Variants in RCAN2 observed in about 807,000 individuals in gnomAD.
RCAN2 encodes calcipressin-2.
A neutral mutation model predicts 23.6 loss-of-function variants in RCAN2; 9 were observed. The ratio of observed to expected loss-of-function variants is 0.38; its 90% CI spans 0.23 to 0.67. RCAN2 has a LOEUF of 0.67. Among genes scored for constraint, RCAN2 ranks in the 30% least tolerant of loss-of-function variants. RCAN2 has a pLI of 0.51. For missense variants in RCAN2, 273 were observed against 302.3 expected, an observed-to-expected ratio of 0.90 and a Z score of 0.72; for synonymous variants, 109 against 115.7, an observed-to-expected ratio of 0.94 and a Z score of 0.37.
intron 2 of RCAN2, among the ~76,000 whole-genome samples, chr6:46,287,435 CA>C (rs1240571172): frequency 6.6e-6 from 1 of 152,198 alleles, no homozygotes; most frequent in Non-Finnish European, 1.5e-5. Flanking sequence ...AATGTTTACA[CA>C]AACCTTCTCT....
chr6:46,235,908 T>C (rs1265673487), intron 4 of RCAN2, among the ~76,000 whole-genome samples: 1 of 152,206 alleles, frequency 6.6e-6, no homozygotes, highest in Non-Finnish European at 1.5e-5. Context: ...TTATCACATA[T>C]GAGTAATGTG....
chr6:46,316,238 C>T (rs1763433767), intron 2 of RCAN2, among the ~76,000 whole-genome samples: 1 of 152,208 alleles, frequency 6.6e-6, no homozygotes, highest in Non-Finnish European at 1.5e-5. Flanking sequence ...TAATGAATGA[C>T]ATTACTTGCA....
At chr6:46,465,432 G>T (rs904738426) in intron 1 of RCAN2, among the ~76,000 whole-genome samples, 2 of 152,160 alleles carry the variant, frequency 1.3e-5, no homozygotes, top group African/African-American at 4.8e-5. Context: ...TACAGCATGG[G>T]CAGGGTACAG....
chr6:46,344,237 T>A (rs1410598793), intron 2 of RCAN2, among the ~76,000 whole-genome samples: 1 of 152,074 alleles, frequency 6.6e-6, no homozygotes, highest in East Asian at 1.9e-4. Context: ...TTAAACAATG[T>A]CAAGACAAAA....
At chr6:46,487,745 A>G (rs1375266281) in intron 1 of RCAN2, among the ~76,000 whole-genome samples, 1 of 152,210 alleles carries the variant, frequency 6.6e-6, no homozygotes, top group Non-Finnish European at 1.5e-5. Flanking sequence ...CCCCAACCTC[A>G]GGCACTCCCA....
intron 2 of RCAN2, among the ~76,000 whole-genome samples, chr6:46,292,503 G>A (rs1449249448): frequency 7.1e-6 from 1 of 140,104 alleles, no homozygotes; most frequent in Non-Finnish European, 1.5e-5. Context: ...TTCCCTTTTA[G>A]AGCTTAATTA....
chr6:46,317,190 T>C (rs1185166484), intron 2 of RCAN2, among the ~76,000 whole-genome samples: 1 of 152,196 alleles, frequency 6.6e-6, no homozygotes, highest in Non-Finnish European at 1.5e-5. Context: ...AAAACTTTTC[T>C]TTTTCCCAAA....
intron 2 of RCAN2, among the ~76,000 whole-genome samples, chr6:46,314,643 A>G (rs1763375907): frequency 6.6e-6 from 1 of 152,188 alleles, no homozygotes; most frequent in Non-Finnish European, 1.5e-5. Flanking sequence ...GTTAAGCATT[A>G]CTGCGGTGAA....
intron 1 of RCAN2, among the ~76,000 whole-genome samples, chr6:46,477,287 C>T (rs1193712373): frequency 6.6e-6 from 1 of 152,176 alleles, no homozygotes; most frequent in Non-Finnish European, 1.5e-5. Flanking sequence ...AACATAAGAG[C>T]TGATCCATTT....
At chr6:46,231,542 T>G (rs1765888218) in intron 4 of RCAN2, among the ~76,000 whole-genome samples, 1 of 152,028 alleles carries the variant, frequency 6.6e-6, no homozygotes, top group Non-Finnish European at 1.5e-5. Context: ...CCCTAGTAGC[T>G]GGGATTACAG....
chr6:46,349,049 T>C (rs1764571649), intron 2 of RCAN2, among the ~76,000 whole-genome samples: 1 of 152,206 alleles, frequency 6.6e-6, no homozygotes, highest in South Asian at 2.1e-4. Context: ...GAGCCATTTT[T>C]CCAAAACCAT....
chr6:46,318,826 T>C (rs1328552369), intron 2 of RCAN2, among the ~76,000 whole-genome samples: 1 of 152,202 alleles, frequency 6.6e-6, no homozygotes, highest in Non-Finnish European at 1.5e-5. Flanking sequence ...CAGGTATACT[T>C]ACCCAAAAGG....
intron 2 of RCAN2, among the ~76,000 whole-genome samples, chr6:46,301,023 A>T (rs897512501): frequency 6.6e-6 from 1 of 152,034 alleles, no homozygotes; most frequent in Non-Finnish European, 1.5e-5. Flanking sequence ...ACAACAAAAA[A>T]ATCAGCGTGG....
intron 2 of RCAN2, among the ~76,000 whole-genome samples, chr6:46,268,943 T>A (rs1767433445): frequency 6.6e-6 from 1 of 152,254 alleles, no homozygotes; most frequent in South Asian, 2.1e-4. Context: ...TCACGTATTG[T>A]GTTTTTGTTA....
intron 3 of RCAN2, among the ~76,000 whole-genome samples, chr6:46,247,448 C>T (rs956477131): frequency 1.3e-5 from 2 of 152,206 alleles, no homozygotes; most frequent in African/African-American, 4.8e-5. Context: ...CTTTTCATCA[C>T]CTTAAAGGAA....
intron 2 of RCAN2, among the ~76,000 whole-genome samples, chr6:46,377,155 C>G (rs1582153632): frequency 6.6e-6 from 1 of 152,172 alleles, no homozygotes; most frequent in African/African-American, 2.4e-5. Flanking sequence ...AATGGACATT[C>G]TCTTCTGAAA....
At chr6:46,456,207 AAC>A (rs751026808) in intron 2 of RCAN2, among the ~76,000 whole-genome samples, 4 of 152,194 alleles carry the variant, frequency 2.6e-5, no homozygotes, top group Non-Finnish European at 5.9e-5. Context: ...AAATTCTTAC[AAC>A]ACACACATGG....
At chr6:46,363,527 T>C (rs779285531) in intron 2 of RCAN2, among the ~76,000 whole-genome samples, 2 of 152,124 alleles carry the variant, frequency 1.3e-5, no homozygotes, top group African/African-American at 4.8e-5. Flanking sequence ...GAAAAAATTC[T>C]AAAGACATGA....
intron 4 of RCAN2, among the ~76,000 whole-genome samples, chr6:46,241,387 G>A (rs1294463099): frequency 6.6e-6 from 1 of 151,958 alleles, no homozygotes; most frequent in African/African-American, 2.4e-5. Context: ...ATTCCCCAAG[G>A]GACTAATAGA....
Sources: gnomAD v4.1 joint callset for allele counts (sites outside exome capture counted in the v4.1 genomes callset) on GRCh38, gnomAD v4.1.1 for gene constraint, MANE v1.5 for transcripts, NCBI Gene and HGNC (gene_info 2026-07-23, HGNC 2026-07-21) for gene names.